The following MYOM1 variants were observed in gnomAD, a reference collection of about 807,000 sequenced individuals.
MYOM1 encodes myomesin 1.
A neutral mutation model predicts 205.3 loss-of-function variants in MYOM1; 164 were observed. That is an observed-to-expected ratio of 0.80 (90% CI 0.70 to 0.91). The LOEUF is 0.91. Among genes scored for constraint, MYOM1 ranks in the 40% least tolerant of loss-of-function variants. MYOM1 has a pLI of 0.00. For missense variants in MYOM1, 2,011 were observed against 2,127.3 expected (o/e 0.95, Z 1.08); for synonymous variants, 772 against 789.4 (o/e 0.98, Z 0.37).
intron 16 of MYOM1, among the ~76,000 whole-genome samples, chr18:3,132,118 G>GTATATATATATATATATATATA (rs1555621173): frequency 8.5e-4 from 122 of 143,428 alleles, no homozygotes; most frequent in African/African-American, 3.1e-3. Context: ...ATATGTGTGT[G>GTATATATATATATATATATATA]TATATATATA....
At chr18:3,164,525 T>C in intron 9 of MYOM1, 86 bp from the exon 10 acceptor site, 1 of 1,254,168 alleles carries the variant, frequency 8.0e-7, no homozygotes, top group Non-Finnish European at 1.1e-6. Flanking sequence ...CTCCTTAGCC[T>C]TTTCTATAAT....
chr18:3,120,568 G>A (rs1485802123), intron 19 of MYOM1, among the ~76,000 whole-genome samples: 1 of 152,150 alleles, frequency 6.6e-6, no homozygotes, highest in African/African-American at 2.4e-5. Flanking sequence ...CCGGATTGCA[G>A]CCCTGTGAGA....
Position 3,168,838 on chromosome 18 carries a change from C to T in MYOM1, c.1318G>A (p.Glu440Lys). 1 of 1,613,874 alleles carries T rather than the reference C, an allele frequency of 6.2e-7. No individual in the cohort carries two copies. The highest frequency in any genetic ancestry group is 8.5e-7 in the Non-Finnish European group (1 of 1,179,860). ...ITPEIKHFQP[E>K]IQWYRNGVPL... ...TCACCGTTTCTGTACCACTGGATCTCTGGCTGGAAATGTTTAATTTCAGGA... is the reference window on the plus strand; with the variant it reads ...TCACCGTTTCTGTACCACTGGATCTTTGGCTGGAAATGTTTAATTTCAGGA... Residue 440 changes from glutamate to lysine, a missense_variant, in exon 9 of 38, where the codon GAG becomes AAG. Glu to Lys is a moderately conservative substitution (Grantham distance 56). Coordinates refer to ENST00000356443, the MANE Select transcript of MYOM1 (RefSeq NM_003803.4).
intron 21 of MYOM1, among the ~76,000 whole-genome samples, chr18:3,114,937 C>T (rs368339534): frequency 9.2e-5 from 14 of 151,990 alleles, no homozygotes; most frequent in African/African-American, 2.9e-4. Flanking sequence ...CATTCTTTCA[C>T]ACATTTAAAC....
At chr18:3,118,269 T>C (rs570088888) in intron 20 of MYOM1, among the ~76,000 whole-genome samples, 1 of 152,246 alleles carries the variant, frequency 6.6e-6, no homozygotes, top group South Asian at 2.1e-4. Flanking sequence ...AGCCAGGGTG[T>C]CAGGAGGGTG....
intron 13 of MYOM1, among the ~76,000 whole-genome samples, chr18:3,148,363 A>C (rs192074738): frequency 2.0e-3 from 308 of 152,352 alleles, no homozygotes; most frequent in Non-Finnish European, 3.5e-3. Context: ...GATAAGTCTC[A>C]AAATAATTAT....
rs200179081 is a variant in MYOM1, at chr18:3,141,941, T to C, written c.2023A>G (p.Lys675Glu). The C allele has an allele frequency of 5.9e-4, 950 of 1,613,758 alleles. No homozygotes were observed. Among genetic ancestry groups the C allele is most frequent in the Non-Finnish European group, 7.7e-4 (912 of 1,179,760 alleles). Residue 675 changes from lysine to glutamate, a missense_variant and splice_region_variant, in exon 14 of 38, where the codon AAG becomes GAG. Lys to Glu is a moderately conservative substitution (Grantham distance 56). Transcript: ENST00000356443. The stretch of plus-strand genomic sequence containing the variant: ...TCATGTTGATTCTAGAGTCTTACCT[T>C]TTCCACAAAGTACATAATGCCCTCA... ...GHEGIMYFVE[K>E]CEAGTENWQR...
chr18:3,172,698 T>C (rs2080578534), intron 8 of MYOM1, among the ~76,000 whole-genome samples: 1 of 152,042 alleles, frequency 6.6e-6, no homozygotes, highest in African/African-American at 2.4e-5. Flanking sequence ...TTAGTAGAGA[T>C]AGGGTTTCAT....
chr18:3,129,701 C>A, intron 17 of MYOM1, 182 bp from the exon 18 acceptor site: 1 of 530,532 alleles, frequency 1.9e-6, no homozygotes, highest in Non-Finnish European at 3.1e-6. Context: ...CAATATACGC[C>A]AAGGAACATT....
chr18:3,101,997 T>A, intron 23 of MYOM1, among the ~76,000 whole-genome samples: 1 of 129,862 alleles, frequency 7.7e-6, no homozygotes, highest in African/African-American at 3.0e-5. Context: ...GGATTTTTTT[T>A]TTTTTTTTTT....
At position 3,102,621 on chromosome 18, in the gene MYOM1, T is replaced by G. The variant is rs199816352; in HGVS notation, c.3428A>C (p.Glu1143Ala). The stretch of plus-strand genomic sequence containing the variant: ...ATCATCATCCACATTTACAACAACC[T>G]CTTTGGTTCCTACAAGATCAAAAAG... ...VVAETRPGTK[E>A]VVVNVDDDGV... Residue 1143 changes from glutamate to alanine, a missense_variant, in exon 23 of 38, where the codon GAG becomes GCG. By Grantham distance (107) the Glu-to-Ala change is moderately radical (BLOSUM62 -1). Coordinates refer to ENST00000356443, the MANE Select transcript of MYOM1 (RefSeq NM_003803.4). The G allele has an allele frequency of 8.1e-6, 13 of 1,612,682 alleles. No individual in the cohort carries two copies. Among genetic ancestry groups the G allele is most frequent in the Admixed American group, 6.7e-5 (4 of 59,832 alleles).
the MYOM1 span, chr18:3,246,189 C>G: frequency 6.6e-6 from 1 of 152,280 alleles, no homozygotes; most frequent in African/African-American, 2.4e-5. Context: ...AGCTGGTGCT[C>G]TCGTGGTGGC....
Position 3,126,865 on chromosome 18 carries a change from G to C in MYOM1, c.2827C>G (p.Leu943Val). 1 of 1,612,434 alleles carries C rather than the reference G, an allele frequency of 6.2e-7. No individual in the cohort carries two copies. Among genetic ancestry groups the C allele is most frequent in the Non-Finnish European group, 8.5e-7 (1 of 1,179,250 alleles). ...PPSPPCDITC[L>V]ESFRDSMVLG... The stretch of plus-strand genomic sequence containing the variant: ...ACCATTGAGTCACGAAAACTTTCAA[G>C]ACAGGTGATATCACAGGGTGGAGAT... Residue 943 changes from leucine to valine, a missense_variant, in exon 19 of 38, where the codon CTT becomes GTT. Leu to Val is a conservative substitution (Grantham distance 32). Transcript: ENST00000356443.
At chr18:3,207,680 T>C (rs2081141106) in intron 2 of MYOM1, among the ~76,000 whole-genome samples, 1 of 152,212 alleles carries the variant, frequency 6.6e-6, no homozygotes. Flanking sequence ...TACACCCCAC[T>C]ACCTGGCCAG....
chr18:3,151,595 C>T (rs2080222950), intron 12 of MYOM1, 99 bp downstream of exon 12: 1 of 1,065,754 alleles, frequency 9.4e-7, no homozygotes, highest in African/African-American at 1.6e-5. Context: ...TCTTGTCTCC[C>T]TCTAGTGGAA....
intron 14 of MYOM1, among the ~76,000 whole-genome samples, chr18:3,136,673 C>T (rs2079971200): frequency 6.6e-6 from 1 of 152,156 alleles, no homozygotes; most frequent in African/African-American, 2.4e-5. Context: ...AAGCGATTCA[C>T]CCACTTCAGC....
At chr18:3,142,120 A>C in intron 13 of MYOM1, 57 bp from the exon 14 acceptor site, 1 of 1,583,742 alleles carries the variant, frequency 6.3e-7, no homozygotes, top group South Asian at 1.1e-5. Context: ...CAGGATACTC[A>C]GAGAGCCAAA....
the MYOM1 span, among the ~76,000 whole-genome samples, chr18:3,230,835 T>C: frequency 1.3e-5 from 2 of 152,218 alleles, no homozygotes; most frequent in Admixed American, 1.3e-4. Context: ...CATCATTCTG[T>C]CCTTGCTTTG....
rs903637727 is a variant in MYOM1, at chr18:3,173,949, A to G, written c.1163T>C (p.Met388Thr). The G allele has an allele frequency of 6.2e-7, 1 of 1,613,654 alleles. No individual in the cohort carries two copies. The highest frequency in any genetic ancestry group is 8.5e-7 in the Non-Finnish European group (1 of 1,179,588). Residue 388 changes from methionine to threonine, a missense_variant, in exon 8 of 38, where the codon ATG becomes ACG. Met to Thr is a moderately conservative substitution (Grantham distance 81, BLOSUM62 -1). Transcript: ENST00000356443. ...ETRFHAGAST[M>T]PLSFGVTPYG... ...GTTTTTAAACTTACAGCTGAGGGGC[A>G]TGGTGGAAGCCCCAGCGTGGAAGCG...
Sources: gnomAD v4.1 joint callset for allele counts (sites outside exome capture counted in the v4.1 genomes callset) on GRCh38, gnomAD v4.1.1 for gene constraint, MANE v1.5 for transcripts, NCBI Gene and HGNC (gene_info 2026-07-23, HGNC 2026-07-21) for gene names.